The following PALD1 variants were observed in gnomAD, a reference collection of about 807,000 sequenced individuals.
PALD1 encodes the protein paladin.
Under a neutral mutation model 96.0 loss-of-function variants are expected in PALD1, and 57 were observed. That is an observed-to-expected ratio of 0.59 (90% CI 0.48 to 0.74). The LOEUF (loss-of-function observed/expected upper bound fraction) is 0.74, where lower values mean the gene tolerates loss of function less well. PALD1 is among the 30% of genes least tolerant of loss of function. The probability of loss-of-function intolerance (pLI) is 0.00; values close to 1 mark genes in which losing one functional copy is unlikely to be tolerated. For missense variants in PALD1, 1,063 were observed against 1,143.7 expected, an observed-to-expected ratio of 0.93 and a Z score of 1.02; for synonymous variants, 464 against 473.6, an observed-to-expected ratio of 0.98 and a Z score of 0.26.
chr10:70,489,277 C>G (rs1034533906), intron 1 of PALD1, among the ~76,000 whole-genome samples: 1 of 152,132 alleles, frequency 6.6e-6, no homozygotes, highest in Non-Finnish European at 1.5e-5. Context: ...GAGACTGCAG[C>G]CAGTGGGGTC....
rs1044411413 is a variant in PALD1, at chr10:70,566,446, A to G, written c.2419-135A>G. On this transcript the variant is annotated intron_variant, in intron 19 of 19. Coordinates refer to ENST00000263563, the MANE Select transcript of PALD1 (RefSeq NM_014431.3). Reference sequence around the variant, plus strand: ...CTATGAGGAAACTGACGCTCAGAGAAGTTAACAGAAGTCAAGGTGCAAACT... The same window carrying G: ...CTATGAGGAAACTGACGCTCAGAGAGGTTAACAGAAGTCAAGGTGCAAACT... 9.0e-6 allele frequency: 6 copies of G among 663,166 alleles called. No individual in the cohort carries two copies. In the African/African-American group the frequency reaches 1.1e-4, roughly 12 times the overall value. 41.1% of individuals were successfully genotyped at this position (663,166 alleles called of 1,614,324 possible).
Position 70,539,867 on chromosome 10 carries a change from CG to C in PALD1, c.1908+109del. ...GAATGAAACGACCCCAGCTTCTCTA[CG>C]GGGCCCGGGAATGGTCTCACGAGGT... On this transcript the variant is annotated intron_variant, in intron 15 of 19. Coordinates refer to ENST00000263563, the MANE Select transcript of PALD1 (RefSeq NM_014431.3). This position sits in a 1 kb window ranked among gnomAD's most constrained non-coding sequence, Gnocchi z 4.5. 2.0e-6 allele frequency: 2 copies of C among 1,008,130 alleles called. No individual in the cohort carries two copies. Among genetic ancestry groups the C allele is most frequent in the Non-Finnish European group, 2.9e-6 (2 of 687,866 alleles). 62.4% of individuals were successfully genotyped at this position (1,008,130 alleles called of 1,614,324 possible).
At chr10:70,533,640 T>C (rs530292211) in intron 7 of PALD1, among the ~76,000 whole-genome samples, 1 of 152,328 alleles carries the variant, frequency 6.6e-6, no homozygotes, top group African/African-American at 2.4e-5. Context: ...TTCAGGGCAT[T>C]ATCTTATTTC....
intron 1 of PALD1, among the ~76,000 whole-genome samples, chr10:70,506,643 G>A (rs1033123906): frequency 2.0e-5 from 3 of 152,192 alleles, no homozygotes; most frequent in Admixed American, 6.5e-5. Flanking sequence ...CCTGCTCAAG[G>A]TGCTAACATG....
At chr10:70,506,076 G>A (rs566082107) in intron 1 of PALD1, among the ~76,000 whole-genome samples, 2 of 152,158 alleles carry the variant, frequency 1.3e-5, no homozygotes, top group South Asian at 4.2e-4. Context: ...CAACTCTGAC[G>A]AGCTCTGTGT....
Position 70,526,608 on chromosome 10 carries a change from C to G in PALD1, c.185+472C>G, listed in dbSNP as rs181005984. On this transcript the variant is annotated intron_variant, in intron 2 of 19. Coordinates refer to ENST00000263563, the MANE Select transcript of PALD1 (RefSeq NM_014431.3). ...CTAATGATGCCCCTCAGGGCTTGTT[C>G]TGGCAGCATGTTCTGGTGTTCTGAG... Among the ~76,000 whole-genome samples, 37 of 152,288 alleles carry G rather than the reference C, an allele frequency of 2.4e-4. 1 individual carries two copies. The highest frequency in any genetic ancestry group is 2.1e-4 in the Non-Finnish European group (14 of 68,024).
intron 18 of PALD1, 26 bp from the exon 19 acceptor site, chr10:70,564,338 T>C (rs748293503): frequency 1.9e-6 from 3 of 1,601,594 alleles, no homozygotes; most frequent in Non-Finnish European, 2.6e-6. Flanking sequence ...CCCCCCACAC[T>C]GACCCCACCC....
chr10:70,542,030 C>T (rs75370678), intron 17 of PALD1, among the ~76,000 whole-genome samples: 7 of 152,316 alleles, frequency 4.6e-5, no homozygotes, highest in Admixed American at 2.0e-4. Context: ...TCAGGCATCC[C>T]GAGAGTCGTG....
At chr10:70,473,839 G>A (rs2132241487), upstream of PALD1, among the ~76,000 whole-genome samples, 1 of 152,102 alleles carries the variant, frequency 6.6e-6, no homozygotes, top group East Asian at 1.9e-4. Context: ...GTAGAGACGG[G>A]GTTTCGCCAT....
At chr10:70,461,048 T>G in the PALD1 span, among the ~76,000 whole-genome samples, 1 of 150,442 alleles carries the variant, frequency 6.6e-6, no homozygotes, top group Non-Finnish European at 1.5e-5. Context: ...AGAGCAAAAC[T>G]TCGTCTCAAA....
At chr10:70,548,618 G>A (rs568030780) in intron 18 of PALD1, among the ~76,000 whole-genome samples, 1 of 152,336 alleles carries the variant, frequency 6.6e-6, no homozygotes, top group South Asian at 2.1e-4. Flanking sequence ...CCATGGTGCT[G>A]AGAGAGGGCT....
At position 70,539,788 on chromosome 10, in the gene PALD1, C is replaced by A; in HGVS notation, c.1908+26C>A. On this transcript the variant is annotated intron_variant, in intron 15 of 19. Coordinates refer to ENST00000263563, the MANE Select transcript of PALD1 (RefSeq NM_014431.3). The surrounding 1 kb of genome is among the most constrained non-coding windows in gnomAD (Gnocchi z 4.5). ...GTGAGGGTGCTGCTCAGGCTGAGGC[C>A]TCTGGGGAGGGACAGGAGGCCTCCC... is the stretch of plus-strand genomic sequence containing the variant. 6.3e-7 allele frequency: 1 copy of A among 1,589,718 alleles called. No homozygotes were observed. The highest frequency in any genetic ancestry group is 8.5e-7 in the Non-Finnish European group (1 of 1,171,668).
At chr10:70,477,234 T>C (rs1845840820), upstream of PALD1, among the ~76,000 whole-genome samples, 1 of 152,160 alleles carries the variant, frequency 6.6e-6, no homozygotes. Flanking sequence ...TGGCCCAGGA[T>C]GGAGTCCTAA....
rs967232127 is a variant in PALD1, at chr10:70,568,074, T to A, written c.*1341T>A. On this transcript the variant is annotated 3_prime_UTR_variant, in exon 20 of 20. Transcript: ENST00000263563. ...GCCGAAGTTGTTCCCATTTATCCAG[T>A]ATTGGAAAATATTTGACCCCCTTGG... The A allele has an allele frequency of 6.6e-6, 1 of 152,256 alleles. No individual in the cohort carries two copies. The highest frequency in any genetic ancestry group is 2.4e-5 in the African/African-American group (1 of 41,462). 9.4% of individuals were successfully genotyped at this position (152,256 alleles called of 1,614,324 possible).
intron 1 of PALD1, among the ~76,000 whole-genome samples, chr10:70,521,451 A>T (rs1846734592): frequency 6.6e-6 from 1 of 152,150 alleles, no homozygotes; most frequent in Non-Finnish European, 1.5e-5. Context: ...GGGCTTTGGA[A>T]TATTAATAAC....
intron 1 of PALD1, among the ~76,000 whole-genome samples, chr10:70,487,172 T>G (rs1490991611): frequency 6.7e-6 from 1 of 148,696 alleles, no homozygotes; most frequent in Admixed American, 6.7e-5. Flanking sequence ...CTCGCTCTGT[T>G]GCCCAGGCTG....
At position 70,531,349 on chromosome 10, in the gene PALD1, CTT is replaced by C. The variant is rs1312642316; in HGVS notation, c.530_531del (p.Phe177CysfsTer13). On this transcript the variant is annotated frameshift_variant, in exon 5 of 20. Coordinates refer to ENST00000263563, the MANE Select transcript of PALD1 (RefSeq NM_014431.3). LOFTEE classifies it high-confidence loss of function. ...PVLFLRADEDFVSYTPRDKQN... is the reference protein window; with the variant it reads ...PVLFLRADEDXVSYTPRDKQN... ...TGCTTTTCCTGCGTGCAGATGAGGA[CTT>C]TGTGTCCTACACACCTCGAGACAAG... 6.2e-7 allele frequency: 1 copy of C among 1,613,876 alleles called. No homozygotes were observed. Among genetic ancestry groups the C allele is most frequent in the Non-Finnish European group, 8.5e-7 (1 of 1,179,910 alleles).
intron 18 of PALD1, among the ~76,000 whole-genome samples, chr10:70,561,756 C>T (rs1017633414): frequency 6.6e-6 from 1 of 152,170 alleles, no homozygotes; most frequent in Non-Finnish European, 1.5e-5. Flanking sequence ...GCTCCTCCCA[C>T]TCTGCCCACC....
chr10:70,542,288 T>C (rs1400841135), intron 17 of PALD1, among the ~76,000 whole-genome samples: 1 of 152,228 alleles, frequency 6.6e-6, no homozygotes, highest in Non-Finnish European at 1.5e-5. Context: ...TGGTAAAATA[T>C]GCATAACATA....
Sources: gnomAD v4.1 joint callset for allele counts (sites outside exome capture counted in the v4.1 genomes callset) on GRCh38, gnomAD v4.1.1 for gene constraint, Gnocchi (gnomAD v3.1) non-coding constraint, MANE v1.5 for transcripts, NCBI Gene and HGNC (gene_info 2026-07-23, HGNC 2026-07-21) for gene names.